The following SEMA5A variants were observed in gnomAD, a reference collection of about 807,000 sequenced individuals.
The protein encoded by SEMA5A is semaphorin-5A.
In SEMA5A, 55 loss-of-function variants were observed where a neutral mutation model predicts 135.5. That is an observed-to-expected ratio of 0.41 (90% CI 0.33 to 0.51). SEMA5A has a LOEUF of 0.51. Among genes scored for constraint, SEMA5A ranks in the 20% least tolerant of loss-of-function variants. SEMA5A has a pLI of 0.37. For synonymous variants in SEMA5A, 580 were observed against 546.5 expected (o/e 1.06, Z -0.85); for missense variants, 1,290 against 1,419.9 (o/e 0.91, Z 1.47).
chr5:9,449,802 G>C (rs1276526970), intron 1 of SEMA5A, among the ~76,000 whole-genome samples: 2 of 152,112 alleles, frequency 1.3e-5, no homozygotes, highest in Non-Finnish European at 2.9e-5. Context: ...GGTAACGTTT[G>C]GCAGATAGCA....
intron 2 of SEMA5A, among the ~76,000 whole-genome samples, chr5:9,402,679 C>T (rs996425676): frequency 6.6e-6 from 1 of 152,100 alleles, no homozygotes; most frequent in African/African-American, 2.4e-5. Context: ...CTACTGGTAC[C>T]GTCTACTTGT....
At chr5:9,167,349 G>A (rs766718070) in intron 11 of SEMA5A, among the ~76,000 whole-genome samples, 1 of 152,144 alleles carries the variant, frequency 6.6e-6, no homozygotes, top group Non-Finnish European at 1.5e-5. Flanking sequence ...CGTACCGCAT[G>A]CAACTAGAAC....
intron 1 of SEMA5A, among the ~76,000 whole-genome samples, chr5:9,457,971 C>G (rs987563829): frequency 7.2e-6 from 1 of 138,858 alleles, no homozygotes; most frequent in Non-Finnish European, 1.5e-5. Context: ...GCAGTGGCGC[C>G]ATCTCGGCTC....
intron 5 of SEMA5A, among the ~76,000 whole-genome samples, chr5:9,255,156 T>G (rs76649106): frequency 0.017 from 2,530 of 152,296 alleles, 89 homozygotes; most frequent in African/African-American, 0.058. Context: ...AAAACATTCC[T>G]TATCTTGATT....
At chr5:9,163,771 G>T (rs75996182) in intron 11 of SEMA5A, among the ~76,000 whole-genome samples, 1 of 151,666 alleles carries the variant, frequency 6.6e-6, no homozygotes, top group Admixed American at 6.6e-5. Context: ...AGAAGGTTAG[G>T]ATACAGGCAC....
At chr5:9,095,453 G>A (rs1444653883) in intron 16 of SEMA5A, among the ~76,000 whole-genome samples, 4 of 152,112 alleles carry the variant, frequency 2.6e-5, no homozygotes, top group Non-Finnish European at 5.9e-5. Flanking sequence ...TCACATTCAC[G>A]TAGAAGAGAT....
intron 5 of SEMA5A, among the ~76,000 whole-genome samples, chr5:9,258,109 A>C (rs905257582): frequency 1.3e-5 from 2 of 152,222 alleles, no homozygotes; most frequent in Admixed American, 6.5e-5. Context: ...GAACTGTCAA[A>C]TGGCATGGCA....
chr5:9,048,254 C>A (rs145318849), intron 21 of SEMA5A, among the ~76,000 whole-genome samples: 328 of 152,312 alleles, frequency 2.2e-3, no homozygotes, highest in Non-Finnish European at 3.7e-3. Flanking sequence ...TCCTACGGTG[C>A]TTTGGGTTCA....
intron 2 of SEMA5A, among the ~76,000 whole-genome samples, chr5:9,408,102 AC>A (rs1369945646): frequency 2.7e-5 from 4 of 150,804 alleles, no homozygotes; most frequent in African/African-American, 9.8e-5. Flanking sequence ...ATCATCACCA[AC>A]ACTACCATCA....
chr5:9,180,741 T>G lies in SEMA5A; in HGVS notation c.1273+9526A>C, dbSNP rs756917991. 3.3e-5 allele frequency among the ~76,000 whole-genome samples: 5 copies of G among 152,024 alleles called. No individual in the cohort carries two copies. The East Asian group carries it at 9.7e-4, about 30-fold the overall frequency. On this transcript the variant is annotated intron_variant, in intron 11 of 22. Transcript: ENST00000382496. Reference sequence around the variant, plus strand: ...TGTTCCTCACTCAGCCTTGCCCTACTTTTTTTAGATAGGAACCTGAAAACC... The same window carrying G: ...TGTTCCTCACTCAGCCTTGCCCTACGTTTTTTAGATAGGAACCTGAAAACC...
intron 1 of SEMA5A, among the ~76,000 whole-genome samples, chr5:9,461,553 G>C (rs1337794148): frequency 6.6e-6 from 1 of 152,158 alleles, no homozygotes; most frequent in Non-Finnish European, 1.5e-5. Flanking sequence ...TTTCCAAGTA[G>C]AGGCCCATCA....
At chr5:9,309,511 T>A (rs559338751) in intron 5 of SEMA5A, among the ~76,000 whole-genome samples, 1 of 152,094 alleles carries the variant, frequency 6.6e-6, no homozygotes, top group South Asian at 2.1e-4. Flanking sequence ...CATGGCATGA[T>A]CCTTTGCATG....
chr5:9,363,824 G>GTAGCAAAAACTAT (rs1231373747), intron 3 of SEMA5A, among the ~76,000 whole-genome samples: 1 of 152,140 alleles, frequency 6.6e-6, no homozygotes, highest in African/African-American at 2.4e-5. Flanking sequence ...TTGCTCAGTT[G>GTAGCAAAAACTAT]TAGCAAAAAC....
intron 1 of SEMA5A, among the ~76,000 whole-genome samples, chr5:9,485,967 A>G (rs749588212): frequency 2.6e-5 from 4 of 152,192 alleles, no homozygotes; most frequent in Admixed American, 1.3e-4. Flanking sequence ...TTTTAGAAAT[A>G]AAAAATAGGA....
Position 9,244,160 on chromosome 5 carries a change from T to C in SEMA5A, c.271-6270A>G, listed in dbSNP as rs367559605. ...TGGGTTGGTTTTGTGAAATTAAACA[T>C]CTTCTGTATAAGAACACAGTTTGTT... On this transcript the variant is annotated intron_variant, in intron 5 of 22. Transcript: ENST00000382496. 2.0e-4 allele frequency among the ~76,000 whole-genome samples: 30 copies of C among 152,326 alleles called. No homozygotes were observed. The South Asian group carries it at 2.5e-3, about 13-fold the overall frequency.
At chr5:9,408,822 A>T (rs114716021) in intron 2 of SEMA5A, among the ~76,000 whole-genome samples, 42 of 151,778 alleles carry the variant, frequency 2.8e-4, no homozygotes, top group Non-Finnish European at 5.0e-4. Flanking sequence ...ATTTCAAAAC[A>T]AATTTTTAGT....
chr5:9,471,568 T>TA (rs1462988773), intron 1 of SEMA5A, among the ~76,000 whole-genome samples: 4 of 152,258 alleles, frequency 2.6e-5, no homozygotes, highest in East Asian at 1.9e-4. Flanking sequence ...TTACGACAAT[T>TA]AAAAAAACAT....
intron 1 of SEMA5A, among the ~76,000 whole-genome samples, chr5:9,505,420 A>G (rs1735822576): frequency 6.6e-6 from 1 of 152,196 alleles, no homozygotes; most frequent in Non-Finnish European, 1.5e-5. Context: ...GTTATTTTCA[A>G]TAATTAACAG....
intron 16 of SEMA5A, among the ~76,000 whole-genome samples, chr5:9,088,781 T>G (rs988659351): frequency 3.3e-5 from 5 of 151,888 alleles, no homozygotes; most frequent in African/African-American, 9.7e-5. Flanking sequence ...TAATTAGTAT[T>G]AATTGTATTT....
Sources: gnomAD v4.1 joint callset for allele counts (sites outside exome capture counted in the v4.1 genomes callset) on GRCh38, gnomAD v4.1.1 for gene constraint, MANE v1.5 for transcripts, NCBI Gene and HGNC (gene_info 2026-07-23, HGNC 2026-07-21) for gene names.